Variants in MID2 observed in about 807,000 individuals in gnomAD.
MID2 encodes the protein probable E3 ubiquitin-protein ligase MID2.
In MID2, 13 loss-of-function variants were observed where a neutral mutation model predicts 46.1. The observed-to-expected ratio is 0.28, with a 90% CI of 0.18 to 0.45. The LOEUF is 0.45. Ranked by LOEUF, MID2 falls within the 20% of genes least tolerant of loss-of-function variation. The pLI is 1.00. For missense variants in MID2, 431 were observed against 575.4 expected (o/e 0.75, Z 2.57); for synonymous variants, 199 against 212.3 (o/e 0.94, Z 0.55).
intron 7 of MID2, among the ~76,000 whole-genome samples, chrX:107,919,783 G>A (rs765704951): frequency 2.7e-5 from 3 of 111,114 alleles, no homozygotes; most frequent in East Asian, 5.6e-4. Flanking sequence ...TTTTTCAGCA[G>A]CCACTTTGAC....
intron 5 of MID2, among the ~76,000 whole-genome samples, chrX:107,908,371 GT>G (rs1156889379): frequency 1.8e-5 from 2 of 111,165 alleles, no homozygotes; most frequent in Non-Finnish European, 3.8e-5. Context: ...CTCTATTTTT[GT>G]TTTGCAGTCT....
intron 3 of MID2, among the ~76,000 whole-genome samples, chrX:107,878,163 C>T (rs777956635): frequency 9.0e-6 from 1 of 111,279 alleles, no homozygotes; most frequent in Admixed American, 9.5e-5. Context: ...TGGGAGGGGA[C>T]GGTGAGTGGG....
chrX:107,905,425 A>C, intron 4 of MID2, 53 bp from the exon 5 acceptor site: 1 of 1,000,008 alleles, frequency 1.0e-6, no homozygotes, highest in Non-Finnish European at 1.4e-6. Flanking sequence ...TATTGTTTTT[A>C]ATTAAGCACT....
intron 4 of MID2, among the ~76,000 whole-genome samples, chrX:107,904,665 G>A (rs918612036): frequency 1.8e-5 from 2 of 111,801 alleles, no homozygotes; most frequent in Admixed American, 9.5e-5. Context: ...GAAAGGAAAC[G>A]ATAGGAAACA....
At chrX:107,838,488 T>G (rs1051123296) in intron 1 of MID2, among the ~76,000 whole-genome samples, 3 of 112,439 alleles carry the variant, frequency 2.7e-5, no homozygotes, top group African/African-American at 6.5e-5. Context: ...TTGTCTCACT[T>G]AAAAAAACTG....
chrX:107,931,448 T>A lies in MID2; in HGVS notation c.*4375T>A, dbSNP rs1384958349. Reference sequence around the variant, plus strand: ...TTGGCTAGACTATTTATTAGACTATTGTTGGACTATTTTTTATCAAATGCT... The same window carrying A: ...TTGGCTAGACTATTTATTAGACTATAGTTGGACTATTTTTTATCAAATGCT... On this transcript the variant is annotated 3_prime_UTR_variant, in exon 10 of 10. Transcript: ENST00000262843. Among the ~76,000 whole-genome samples, 3 of 111,662 alleles carry A rather than the reference T, an allele frequency of 2.7e-5. No homozygotes were observed. Among genetic ancestry groups the A allele is most frequent in the African/African-American group, 9.8e-5 (3 of 30,711 alleles).
chrX:107,836,075 A>G (rs182842926), intron 1 of MID2, among the ~76,000 whole-genome samples: 1 of 111,963 alleles, frequency 8.9e-6, no homozygotes, highest in African/African-American at 3.2e-5. Context: ...ATCCTCTTGC[A>G]TGTGGATATC....
In MID2 at chrX:107,841,101, C is replaced by T. The variant is rs1214217245; in HGVS notation, c.436C>T (p.Pro146Ser). The T allele has an allele frequency of 1.7e-6, 2 of 1,211,239 alleles. No homozygotes were observed. Among genetic ancestry groups the T allele is most frequent in the South Asian group, 1.8e-5 (1 of 56,887 alleles). ...RIACQFCEQD[P>S]PRDAVKTCIT... is the part of the protein sequence containing the mutation. The stretch of plus-strand genomic sequence containing the variant: ...TGCTTGCCAATTCTGTGAGCAGGAC[C>T]CGCCAAGGGATGCAGTAAAAACATG... Residue 146 changes from proline to serine, a missense_variant, in exon 2 of 10, where the codon CCG (proline) becomes TCG (serine). Physicochemically the swap from Pro to Ser is moderately conservative, Grantham distance 74 (BLOSUM62 -1). Transcript: ENST00000262843.
At chrX:107,863,652 A>G (rs1204200438) in intron 3 of MID2, among the ~76,000 whole-genome samples, 4 of 112,645 alleles carry the variant, frequency 3.6e-5, no homozygotes, top group Non-Finnish European at 7.5e-5. Context: ...AGGCTCTATC[A>G]AGCTTATCCT....
At chrX:107,917,438 G>A (rs2147871662) in intron 6 of MID2, 68 bp from the exon 7 acceptor site, 1 of 855,904 alleles carries the variant, frequency 1.2e-6, no homozygotes, top group Non-Finnish European at 1.7e-6. Context: ...CGCAGGAAGA[G>A]TAACAATTGT....
At chrX:107,830,199 C>T (rs759393658) in intron 1 of MID2, among the ~76,000 whole-genome samples, 2 of 112,595 alleles carry the variant, frequency 1.8e-5, no homozygotes, top group Admixed American at 9.3e-5. Context: ...AACTCAAGCT[C>T]TGTCTTTTCA....
chrX:107,910,168 C>A (rs183224249), intron 5 of MID2, among the ~76,000 whole-genome samples: 336 of 111,813 alleles, frequency 3.0e-3, no homozygotes, highest in African/African-American at 0.01. Flanking sequence ...CTCCTCATAC[C>A]AGCCTCTAGT....
At chrX:107,888,660 C>T (rs1341332099) in intron 3 of MID2, among the ~76,000 whole-genome samples, 1 of 111,533 alleles carries the variant, frequency 9.0e-6, no homozygotes, top group African/African-American at 3.3e-5. Flanking sequence ...AGTTCAATTC[C>T]TGGATATCCT....
intron 3 of MID2, among the ~76,000 whole-genome samples, chrX:107,900,547 C>T (rs982348950): frequency 2.7e-5 from 3 of 111,322 alleles, no homozygotes; most frequent in Non-Finnish European, 5.7e-5. Context: ...AGTCCCTGTT[C>T]ATCTTCTTAA....
chrX:107,909,671 A>G (rs1932868383), intron 5 of MID2, among the ~76,000 whole-genome samples: 1 of 112,113 alleles, frequency 8.9e-6, no homozygotes, highest in Non-Finnish European at 1.9e-5. Context: ...GAAAGAGTAC[A>G]TGGGAAGTAA....
At chrX:107,828,052 C>T (rs1930994605) in intron 1 of MID2, among the ~76,000 whole-genome samples, 1 of 111,740 alleles carries the variant, frequency 8.9e-6, no homozygotes, top group African/African-American at 3.3e-5. Flanking sequence ...CCTTGGTTGA[C>T]TGTGAGTCCT....
At chrX:107,879,878 T>C (rs1167402753) in intron 3 of MID2, among the ~76,000 whole-genome samples, 1 of 110,790 alleles carries the variant, frequency 9.0e-6, no homozygotes, top group African/African-American at 3.3e-5. Flanking sequence ...GAAGAATGTA[T>C]TATTCTGTAT....
In MID2 at chrX:107,898,866, C is replaced by G. The variant is rs892547624; in HGVS notation, c.817-5092C>G. Among the ~76,000 whole-genome samples, 5 of 111,909 alleles carry G rather than the reference C, an allele frequency of 4.5e-5. No individual in the cohort carries two copies. In the South Asian group the frequency reaches 1.5e-3, roughly 33 times the overall value. On this transcript the variant is annotated intron_variant, in intron 3 of 9. Transcript: ENST00000262843. ...CATTTACTGTGTAGAGTGGAGAGCA[C>G]TGAGACGGAGAAGCCAGTGAGGAAT...
At chrX:107,847,113 G>A (rs111756411) in intron 2 of MID2, among the ~76,000 whole-genome samples, 5,506 of 112,166 alleles carry the variant, frequency 0.049, 357 homozygotes, top group African/African-American at 0.17. Context: ...AGCTAGAACT[G>A]ACAATAACTT....
Sources: allele counts gnomAD v4.1 joint callset (sites outside exome capture counted in the v4.1 genomes callset), GRCh38; gene constraint gnomAD v4.1.1; transcripts MANE v1.5; gene names NCBI Gene and HGNC (gene_info 2026-07-23, HGNC 2026-07-21).